Variants in GFRAL observed in about 807,000 individuals in gnomAD.
The protein encoded by GFRAL is GDNF family receptor alpha-like.
GFRAL carries 36 observed loss-of-function variants against 45.4 expected under a neutral mutation model. The ratio of observed to expected loss-of-function variants is 0.79; its 90% CI spans 0.61 to 1.05. The LOEUF is 1.05. GFRAL is among the 50% of genes least tolerant of loss of function. GFRAL has a pLI of 0.00. For synonymous variants in GFRAL, 166 were observed against 154.1 expected, an observed-to-expected ratio of 1.08 and a Z score of -0.57; for missense variants, 507 against 467.5, an observed-to-expected ratio of 1.08 and a Z score of -0.78.
rs1317730115 is a variant in GFRAL, at chr6:55,389,219, A to AT, written c.953-9956dup. On this transcript the variant is annotated intron_variant, in intron 6 of 8. Transcript: ENST00000340465. ...GTATTAAGCCTAGTACCCATTAGTT[A>AT]TTTTTCCTGATCCTCTCTCTCCTTT... is the stretch of plus-strand genomic sequence containing the variant. Among the ~76,000 whole-genome samples, 5 of 152,138 alleles carry AT rather than the reference A, an allele frequency of 3.3e-5. No individual in the cohort carries two copies. The East Asian group carries it at 5.8e-4, about 18-fold the overall frequency.
intron 6 of GFRAL, among the ~76,000 whole-genome samples, chr6:55,371,383 C>T (rs992342384): frequency 1.3e-5 from 2 of 152,104 alleles, no homozygotes; most frequent in Non-Finnish European, 2.9e-5. Flanking sequence ...TAACCATATA[C>T]TCGTCAATAA....
At chr6:55,333,168 A>G (rs1177524305) in intron 2 of GFRAL, among the ~76,000 whole-genome samples, 5 of 152,172 alleles carry the variant, frequency 3.3e-5, no homozygotes, top group African/African-American at 1.2e-4. Context: ...AAGCTGAAAT[A>G]TGCGTATTCT....
chr6:55,343,432 G>T (rs1387989953), intron 3 of GFRAL, among the ~76,000 whole-genome samples: 1 of 152,136 alleles, frequency 6.6e-6, no homozygotes, highest in Non-Finnish European at 1.5e-5. Context: ...TGACTGCTGG[G>T]TACATAATTA....
chr6:55,381,443 A>G (rs139239339), intron 6 of GFRAL, among the ~76,000 whole-genome samples: 1 of 152,018 alleles, frequency 6.6e-6, no homozygotes, highest in African/African-American at 2.4e-5. Context: ...TTCAATGGAT[A>G]GATGATTTAT....
intron 3 of GFRAL, among the ~76,000 whole-genome samples, chr6:55,335,737 C>T (rs569053967): frequency 9.9e-5 from 15 of 152,182 alleles, no homozygotes; most frequent in Non-Finnish European, 1.8e-4. Context: ...GTTGGTGGCT[C>T]TATTTCTAGA....
chr6:55,364,116 A>T (rs149949321), intron 6 of GFRAL, among the ~76,000 whole-genome samples: 16,347 of 131,956 alleles, frequency 0.12, 1,306 homozygotes, highest in African/African-American at 0.21. Flanking sequence ...CCTGCCTTTT[A>T]AATGATTGCC....
chr6:55,377,555 A>C, intron 6 of GFRAL, among the ~76,000 whole-genome samples: 1 of 152,036 alleles, frequency 6.6e-6, no homozygotes, highest in Admixed American at 6.6e-5. Flanking sequence ...GGAGATTTTT[A>C]GGGGCCAGTC....
At chr6:55,350,011 A>G (rs2127354875) in intron 3 of GFRAL, 81 bp from the exon 4 acceptor site, 1 of 795,976 alleles carries the variant, frequency 1.3e-6, no homozygotes, top group East Asian at 2.5e-5. Flanking sequence ...GACTTTACTC[A>G]TTTATAAATG....
chr6:55,358,985 C>T lies in GFRAL; in HGVS notation c.799C>T (p.Leu267Phe). ...NCISTLSKQDLTCSGSDDCKA... is the reference protein window; with the variant it reads ...NCISTLSKQDFTCSGSDDCKA... Reference sequence around the variant, plus strand: ...CATTAGCACCTTAAGCAAACAGGACCTCACTTGTTCAGGAAGTGATGACTG... The same window carrying T: ...CATTAGCACCTTAAGCAAACAGGACTTCACTTGTTCAGGAAGTGATGACTG... The change falls in exon 6 of 9, where the codon CTC becomes TTC. Residue 267 changes from leucine (L) to phenylalanine (F), a missense_variant. Physicochemically the swap from Leu to Phe is conservative, Grantham distance 22. Coordinates refer to ENST00000340465, the MANE Select transcript of GFRAL (RefSeq NM_207410.2). 1 of 1,613,112 alleles carries T rather than the reference C, an allele frequency of 6.2e-7. No individual in the cohort carries two copies. The highest frequency in any genetic ancestry group is 1.3e-5 in the African/African-American group (1 of 74,950).
intron 6 of GFRAL, among the ~76,000 whole-genome samples, chr6:55,373,211 T>C (rs555208712): frequency 6.6e-6 from 1 of 152,140 alleles, no homozygotes; most frequent in East Asian, 1.9e-4. Context: ...AAGGAGAACC[T>C]GAATCAGATA....
At chr6:55,390,716 C>T (rs914876278) in intron 6 of GFRAL, among the ~76,000 whole-genome samples, 5 of 151,940 alleles carry the variant, frequency 3.3e-5, no homozygotes, top group South Asian at 2.1e-4. Context: ...GGTGAAACCC[C>T]GTCTCTACTA....
intron 1 of GFRAL, among the ~76,000 whole-genome samples, chr6:55,330,230 T>C (rs1767812272): frequency 6.6e-6 from 1 of 152,204 alleles, no homozygotes; most frequent in South Asian, 2.1e-4. Context: ...TATTTATATA[T>C]CTTATATATA....
At chr6:55,356,990 T>C (rs1372195114) in intron 5 of GFRAL, among the ~76,000 whole-genome samples, 2 of 152,026 alleles carry the variant, frequency 1.3e-5, no homozygotes, top group Non-Finnish European at 2.9e-5. Context: ...TTCCATGTAT[T>C]TGTATAGTTT....
intron 1 of GFRAL, among the ~76,000 whole-genome samples, chr6:55,329,932 T>C (rs1057491213): frequency 5.9e-5 from 9 of 152,164 alleles, no homozygotes; most frequent in African/African-American, 2.2e-4. Flanking sequence ...AACAACAGCA[T>C]TTAAAAATTC....
At chr6:55,395,194 A>ATATATATAT (rs1768808613) in intron 6 of GFRAL, among the ~76,000 whole-genome samples, 2 of 147,756 alleles carry the variant, frequency 1.4e-5, no homozygotes, top group African/African-American at 2.5e-5. Context: ...ATATATATAT[A>ATATATATAT]AGCCAGCTAG....
At chr6:55,340,481 T>C (rs1767947862) in intron 3 of GFRAL, among the ~76,000 whole-genome samples, 1 of 152,204 alleles carries the variant, frequency 6.6e-6, no homozygotes, top group South Asian at 2.1e-4. Context: ...TATTTATGTG[T>C]AAACCCTGGA....
At chr6:55,365,418 G>C (rs1768347085) in intron 6 of GFRAL, among the ~76,000 whole-genome samples, 1 of 120,956 alleles carries the variant, frequency 8.3e-6, no homozygotes, top group East Asian at 2.1e-4. Context: ...TTTCCTAATT[G>C]AATACCCTTT....
rs999736374 is a variant in GFRAL at position 55,402,129 on chromosome 6, C to T, written c.*276C>T. 3.1e-5 allele frequency: 8 copies of T among 255,142 alleles called. No homozygotes were observed. The East Asian group carries it at 6.8e-4, about 22-fold the overall frequency. The allele number at this position is 255,142 out of a possible 1,614,324, so 15.8% of individuals were successfully genotyped here. On this transcript the variant is annotated 3_prime_UTR_variant, in exon 9 of 9. Coordinates refer to ENST00000340465, the MANE Select transcript of GFRAL (RefSeq NM_207410.2). ...AGTAGCTGGGATTACAGGTACCCGCCACCACGCCCAGCTAATTTTTTTGTA... is the reference window on the plus strand; with the variant it reads ...AGTAGCTGGGATTACAGGTACCCGCTACCACGCCCAGCTAATTTTTTTGTA...
chr6:55,340,315 A>G (rs1767945774), intron 3 of GFRAL, among the ~76,000 whole-genome samples: 1 of 152,190 alleles, frequency 6.6e-6, no homozygotes, highest in African/African-American at 2.4e-5. Context: ...GCACTTTTCT[A>G]TTCTCAAGAA....
Sources: gnomAD v4.1 joint callset for allele counts (sites outside exome capture counted in the v4.1 genomes callset) on GRCh38, gnomAD v4.1.1 for gene constraint, MANE v1.5 for transcripts, NCBI Gene and HGNC (gene_info 2026-07-23, HGNC 2026-07-21) for gene names.